Variants in DGKI observed in about 807,000 individuals in gnomAD.
The protein encoded by DGKI is DAG kinase iota.
Under a neutral mutation model 147.5 loss-of-function variants are expected in DGKI, and 55 were observed. The observed-to-expected ratio is 0.37, with a 90% confidence interval of 0.30 to 0.47. The LOEUF (loss-of-function observed/expected upper bound fraction) is 0.47. Ranked by LOEUF, DGKI falls within the 20% of genes least tolerant of loss-of-function variation. The probability of loss-of-function intolerance (pLI) is 1.00; values close to 1 mark genes in which losing one functional copy is unlikely to be tolerated. For missense variants in DGKI, 1,007 were observed against 1,323.8 expected (o/e 0.76, Z 3.71); for synonymous variants, 469 against 477.1 (o/e 0.98, Z 0.22).
intron 10 of DGKI, among the ~76,000 whole-genome samples, chr7:137,603,777 AGGC>A (rs1820078165): frequency 6.6e-6 from 1 of 152,246 alleles, no homozygotes; most frequent in Admixed American, 6.5e-5. Context: ...TTCAGGGTAA[AGGC>A]ACAAAAGGTG....
intron 20 of DGKI, among the ~76,000 whole-genome samples, chr7:137,545,597 C>T (rs1285517939): frequency 6.6e-6 from 1 of 152,132 alleles, no homozygotes; most frequent in East Asian, 1.9e-4. Context: ...CATAGTCTAA[C>T]GGTATTATGC....
chr7:137,674,261 A>T (rs1822949986), intron 3 of DGKI, among the ~76,000 whole-genome samples: 1 of 152,198 alleles, frequency 6.6e-6, no homozygotes, highest in Admixed American at 6.5e-5. Context: ...GGAAAAGGTC[A>T]CGTGGTTTAG....
chr7:137,761,328 G>C (rs1183213478), intron 1 of DGKI, among the ~76,000 whole-genome samples: 1 of 152,138 alleles, frequency 6.6e-6, no homozygotes, highest in Non-Finnish European at 1.5e-5. Flanking sequence ...CTTGGCCCTG[G>C]CATTTATCAA....
chr7:137,840,152 G>A (rs193216693), intron 1 of DGKI, among the ~76,000 whole-genome samples: 152 of 152,310 alleles, frequency 1.0e-3, no homozygotes, highest in African/African-American at 2.2e-3. Flanking sequence ...TTCTTCAAGT[G>A]CTCTGTATGG....
intron 30 of DGKI, among the ~76,000 whole-genome samples, chr7:137,403,481 T>C (rs373883538): frequency 1.3e-5 from 2 of 152,278 alleles, no homozygotes; most frequent in East Asian, 3.9e-4. Context: ...AGGTGTCCTC[T>C]TGATGGTGGC....
intron 30 of DGKI, among the ~76,000 whole-genome samples, chr7:137,404,852 C>A (rs903319915): frequency 6.6e-6 from 1 of 151,766 alleles, no homozygotes; most frequent in Admixed American, 6.6e-5. Context: ...AGAGTCAATG[C>A]GGGGTGATGA....
intron 3 of DGKI, among the ~76,000 whole-genome samples, chr7:137,666,326 C>T (rs1312840230): frequency 6.6e-6 from 1 of 152,140 alleles, no homozygotes; most frequent in African/African-American, 2.4e-5. Flanking sequence ...TCACTTAAGC[C>T]CAGGAGTTTG....
chr7:137,705,594 A>G (rs183081731), intron 1 of DGKI, among the ~76,000 whole-genome samples: 1 of 152,284 alleles, frequency 6.6e-6, no homozygotes, highest in East Asian at 1.9e-4. Flanking sequence ...GGGAAGGCAC[A>G]CAAGTTAACT....
intron 21 of DGKI, among the ~76,000 whole-genome samples, chr7:137,504,342 CACAA>C (rs958271597): frequency 5.9e-5 from 9 of 152,122 alleles, no homozygotes; most frequent in Admixed American, 2.6e-4. Context: ...CTATTCAAAG[CACAA>C]ACAAACTATC....
intron 21 of DGKI, among the ~76,000 whole-genome samples, chr7:137,507,425 C>T (rs552205818): frequency 2.0e-5 from 3 of 152,116 alleles, no homozygotes; most frequent in African/African-American, 7.2e-5. Context: ...AGTACAGATC[C>T]AATTCTGCTT....
intron 6 of DGKI, among the ~76,000 whole-genome samples, chr7:137,627,332 G>T (rs1328988516): frequency 1.3e-5 from 2 of 152,154 alleles, no homozygotes; most frequent in African/African-American, 4.8e-5. Context: ...ATCTCTCAAT[G>T]GAACTGTAAG....
chr7:137,430,811 T>C (rs1813040808), intron 28 of DGKI, among the ~76,000 whole-genome samples: 1 of 152,044 alleles, frequency 6.6e-6, no homozygotes, highest in South Asian at 2.1e-4. Flanking sequence ...TTCCATTTGA[T>C]AACAGGGACC....
chr7:137,683,400 G>C (rs1314702327), intron 2 of DGKI, among the ~76,000 whole-genome samples: 1 of 150,920 alleles, frequency 6.6e-6, no homozygotes. Flanking sequence ...TTTTGAGACA[G>C]GGCCTTGCTC....
chr7:137,626,322 GACAC>G (rs111591226), intron 6 of DGKI, among the ~76,000 whole-genome samples: 8,312 of 138,984 alleles, frequency 0.06, 274 homozygotes, highest in African/African-American at 0.094. Context: ...AAGTGCTTCT[GACAC>G]ACACACACAC....
chr7:137,653,376 G>A (rs1419628915), intron 5 of DGKI, among the ~76,000 whole-genome samples: 1 of 152,214 alleles, frequency 6.6e-6, no homozygotes, highest in Non-Finnish European at 1.5e-5. Context: ...CCACGCTGCA[G>A]CCTGAACAAT....
chr7:137,619,708 G>T, intron 8 of DGKI, 116 bp downstream of exon 8: 3 of 752,896 alleles, frequency 4.0e-6, no homozygotes, highest in Non-Finnish European at 6.9e-6. Context: ...ACAGGGCCTT[G>T]GGGATGAGTG....
intron 1 of DGKI, among the ~76,000 whole-genome samples, chr7:137,743,908 G>C (rs554786764): frequency 2.0e-5 from 3 of 151,654 alleles, no homozygotes; most frequent in South Asian, 4.2e-4. Flanking sequence ...GTGTGAACTC[G>C]GGAGGCAGAG....
At chr7:137,463,656 C>G (rs765859154) in intron 26 of DGKI, 45 bp from the exon 27 acceptor site, 47 of 1,593,038 alleles carry the variant, frequency 3.0e-5, no homozygotes, top group Non-Finnish European at 2.7e-5. Flanking sequence ...TCAAAGTCAG[C>G]CACGTGACTT....
chr7:137,555,439 G>A (rs73453514), intron 19 of DGKI, among the ~76,000 whole-genome samples: 21 of 151,700 alleles, frequency 1.4e-4, no homozygotes, highest in Admixed American at 3.9e-4. Flanking sequence ...GGGAGGAGGA[G>A]CTTCTGAGCC....
Sources: allele counts gnomAD v4.1 joint callset (sites outside exome capture counted in the v4.1 genomes callset), GRCh38; gene constraint gnomAD v4.1.1; transcripts MANE v1.5; gene names NCBI Gene and HGNC (gene_info 2026-07-23, HGNC 2026-07-21).